The following BMPR2 variants were observed in gnomAD, a reference collection of about 807,000 sequenced individuals.
The protein encoded by BMPR2 is bone morphogenetic protein receptor type-2.
In BMPR2, 29 loss-of-function variants were observed where a neutral mutation model predicts 100.8. The ratio of observed to expected loss-of-function variants is 0.29; its 90% CI spans 0.21 to 0.39. BMPR2 has a LOEUF of 0.39. Among genes scored for constraint, BMPR2 ranks in the 10% least tolerant of loss-of-function variants. BMPR2 has a pLI of 1.00. For synonymous variants in BMPR2, 382 were observed against 442.3 expected (o/e 0.86, Z 1.71); for missense variants, 1,011 against 1,274.5 (o/e 0.79, Z 3.15).
intron 3 of BMPR2, among the ~76,000 whole-genome samples, chr2:202,494,324 A>G (rs1261153556): frequency 6.6e-6 from 1 of 152,256 alleles, no homozygotes; most frequent in Non-Finnish European, 1.5e-5. Flanking sequence ...AGGAGCTGAC[A>G]TAACCACTAG....
chr2:202,490,211 AC>A (rs1001441040), intron 3 of BMPR2, among the ~76,000 whole-genome samples: 1 of 152,214 alleles, frequency 6.6e-6, no homozygotes, highest in African/African-American at 2.4e-5. Context: ...GCAAGGAGGT[AC>A]ACTCCATCTA....
intron 3 of BMPR2, among the ~76,000 whole-genome samples, chr2:202,502,908 T>C (rs1265158925): frequency 6.6e-6 from 1 of 152,254 alleles, no homozygotes; most frequent in African/African-American, 2.4e-5. Context: ...GCCATCTTGC[T>C]GTTACTCGCC....
intron 7 of BMPR2, among the ~76,000 whole-genome samples, chr2:202,527,716 A>G (rs1450979407): frequency 1.3e-5 from 2 of 151,484 alleles, no homozygotes; most frequent in Admixed American, 1.3e-4. Flanking sequence ...GAACCCGGGA[A>G]GCGGAGCTTG....
rs753528525 is a variant in BMPR2, at chr2:202,555,528, G to C, written c.1863G>C (p.Thr621=). The C allele has an allele frequency of 1.2e-6, 2 of 1,614,064 alleles. No individual in the cohort carries two copies. The highest frequency in any genetic ancestry group is 2.7e-5 in the African/African-American group (2 of 75,034). The change falls in exon 12 of 13, where the codon ACG becomes ACC. Residue 621 remains threonine, a synonymous_variant. Coordinates refer to ENST00000374580, the MANE Select transcript of BMPR2 (RefSeq NM_001204.7). ...NTTTTNTTGL[T]PSTGMTTISE... ...CAACCACAAACACCACAGGACTCACGCCAAGTACTGGCATGACTACTATAT... is the reference window on the plus strand; with the variant it reads ...CAACCACAAACACCACAGGACTCACCCCAAGTACTGGCATGACTACTATAT...
intron 3 of BMPR2, among the ~76,000 whole-genome samples, chr2:202,508,056 G>C (rs1411657271): frequency 7.0e-6 from 1 of 143,370 alleles, no homozygotes; most frequent in Non-Finnish European, 1.5e-5. Flanking sequence ...TATCTAAAAA[G>C]CTGTCATTTG....
Position 202,518,955 on chromosome 2 carries a change from T to C in BMPR2, c.755T>C (p.Met252Thr). The change falls in exon 6 of 13, where the codon ATG becomes ACG. Residue 252 changes from methionine to threonine, a missense_variant. By Grantham distance (81) the Met-to-Thr change is moderately conservative (BLOSUM62 -1). Coordinates refer to ENST00000374580, the MANE Select transcript of BMPR2 (RefSeq NM_001204.7). ...NEKNIYRVPLMEHDNIARFIV... is the reference protein window; with the variant it reads ...NEKNIYRVPLTEHDNIARFIV... ...AAGAACATTTACAGAGTGCCTTTGA[T>C]GGAACATGACAACATTGCCCGCTTT... is the stretch of plus-strand genomic sequence containing the variant. 6.2e-7 allele frequency: 1 copy of C among 1,614,226 alleles called. No individual in the cohort carries two copies.
intron 1 of BMPR2, among the ~76,000 whole-genome samples, chr2:202,383,715 G>C (rs969139769): frequency 3.3e-5 from 5 of 151,726 alleles, no homozygotes; most frequent in Non-Finnish European, 7.4e-5. Flanking sequence ...GCCACGCGTG[G>C]TGGTGCATGC....
intron 3 of BMPR2, among the ~76,000 whole-genome samples, chr2:202,486,567 G>C (rs923947452): frequency 6.6e-6 from 1 of 150,526 alleles, no homozygotes; most frequent in African/African-American, 2.4e-5. Flanking sequence ...GGGAGGTGGA[G>C]TTGGCAGTGA....
chr2:202,549,904 T>G (rs1291493439), intron 10 of BMPR2, among the ~76,000 whole-genome samples: 5 of 152,048 alleles, frequency 3.3e-5, no homozygotes, highest in Non-Finnish European at 5.9e-5. Flanking sequence ...TAAACATTCT[T>G]TTTTGGGGGT....
chr2:202,407,982 C>T (rs1282287553), intron 1 of BMPR2, among the ~76,000 whole-genome samples: 4 of 151,632 alleles, frequency 2.6e-5, no homozygotes, highest in African/African-American at 9.7e-5. Context: ...TACAGGTGCC[C>T]ACCACCACGC....
In BMPR2 at chr2:202,562,493, C is replaced by T. The variant is rs955995991; in HGVS notation, c.*2547C>T. 6.6e-6 allele frequency: 1 copy of T among 152,436 alleles called. No individual in the cohort carries two copies. The highest frequency in any genetic ancestry group is 1.5e-5 in the Non-Finnish European group (1 of 67,984). 9.4% of individuals were successfully genotyped at this position (152,436 alleles called of 1,614,324 possible). A position where few individuals can be genotyped will look rare whatever the true frequency, so the allele number is the denominator to read the frequency against. The stretch of plus-strand genomic sequence containing the variant: ...TCAGACTTTTAAAATCTGTAATATA[C>T]AAGCAAGCAAAATTATTTTAAATGA... On this transcript the variant is annotated 3_prime_UTR_variant, in exon 13 of 13. Transcript: ENST00000374580.
At chr2:202,467,764 C>A in intron 3 of BMPR2, 75 bp downstream of exon 3, 1 of 1,491,332 alleles carries the variant, frequency 6.7e-7, no homozygotes, top group Non-Finnish European at 9.3e-7. Context: ...ACTTAAAAAA[C>A]ATTCAAGGTT....
At chr2:202,506,138 G>A (rs1482784720) in intron 3 of BMPR2, among the ~76,000 whole-genome samples, 1 of 151,904 alleles carries the variant, frequency 6.6e-6, no homozygotes, top group Non-Finnish European at 1.5e-5. Context: ...TAGATCCTGT[G>A]TCTCCTCTTT....
At chr2:202,512,629 T>C (rs1687644941) in intron 3 of BMPR2, among the ~76,000 whole-genome samples, 1 of 152,200 alleles carries the variant, frequency 6.6e-6, no homozygotes, top group African/African-American at 2.4e-5. Context: ...TATGCTCTAG[T>C]TTGTGGCCAT....
intron 1 of BMPR2, among the ~76,000 whole-genome samples, chr2:202,389,864 T>C (rs1690512113): frequency 6.6e-6 from 1 of 152,056 alleles, no homozygotes; most frequent in Non-Finnish European, 1.5e-5. Flanking sequence ...GGTCTCGAAC[T>C]CCTGACCTCA....
At chr2:202,514,666 G>A (rs1370412054) in intron 4 of BMPR2, among the ~76,000 whole-genome samples, 1 of 152,000 alleles carries the variant, frequency 6.6e-6, no homozygotes, top group Non-Finnish European at 1.5e-5. Context: ...AGTCATCATG[G>A]GAGTGTCTCC....
intron 1 of BMPR2, among the ~76,000 whole-genome samples, chr2:202,406,514 G>A (rs1419407074): frequency 1.3e-5 from 2 of 152,190 alleles, no homozygotes; most frequent in African/African-American, 4.8e-5. Flanking sequence ...CATAACAGGA[G>A]TCCTACTGTT....
At chr2:202,491,144 A>G (rs1344985496) in intron 3 of BMPR2, among the ~76,000 whole-genome samples, 3 of 151,832 alleles carry the variant, frequency 2.0e-5, no homozygotes, top group Non-Finnish European at 2.9e-5. Context: ...CTGGTCTGGA[A>G]CTCCTGGGCT....
Position 202,565,146 on chromosome 2 carries a change from A to G in BMPR2, c.*5200A>G, listed in dbSNP as rs1688739721. 3 of 152,246 alleles carry G rather than the reference A, an allele frequency of 2.0e-5. No homozygotes were observed. The South Asian group carries it at 6.2e-4, about 32-fold the overall frequency. The allele number at this position is 152,246 out of a possible 1,614,324, so 9.4% of individuals were successfully genotyped here. A position where few individuals can be genotyped will look rare whatever the true frequency, so the allele number is the denominator to read the frequency against. ...TCTGTGTCAGGAAAGTTTTCTTCAT[A>G]TCTATTCTGTCTCCCTCCTCTTTGA... On this transcript the variant is annotated 3_prime_UTR_variant, in exon 13 of 13. Coordinates refer to ENST00000374580, the MANE Select transcript of BMPR2 (RefSeq NM_001204.7).
Sources: gnomAD v4.1 joint callset for allele counts (sites outside exome capture counted in the v4.1 genomes callset) on GRCh38, gnomAD v4.1.1 for gene constraint, MANE v1.5 for transcripts, NCBI Gene and HGNC (gene_info 2026-07-23, HGNC 2026-07-21) for gene names.